The following CAST variants were observed in gnomAD, a reference collection of about 807,000 sequenced individuals.
CAST encodes the protein MIR583 host.
In CAST, 76 loss-of-function variants were observed where a neutral mutation model predicts 119.6. The observed-to-expected ratio is 0.64, with a 90% CI of 0.53 to 0.77. The LOEUF is 0.77. CAST is among the 30% of genes least tolerant of loss of function. The probability of loss-of-function intolerance (pLI) is 0.00; values close to 1 mark genes in which losing one functional copy is unlikely to be tolerated. For synonymous variants in CAST, 319 were observed against 331.6 expected, an observed-to-expected ratio of 0.96 and a Z score of 0.41; for missense variants, 953 against 946.5, an observed-to-expected ratio of 1.01 and a Z score of -0.09.
chr5:96,178,317 C>G, the CAST span, among the ~76,000 whole-genome samples: 149 of 152,280 alleles, frequency 9.8e-4, no homozygotes, highest in African/African-American at 3.5e-3. Flanking sequence ...CTTCTGAGGT[C>G]TTTAACTCTG....
intron 2 of CAST, among the ~76,000 whole-genome samples, chr5:96,678,576 G>A (rs1750972863): frequency 6.6e-6 from 1 of 152,124 alleles, no homozygotes; most frequent in African/African-American, 2.4e-5. Flanking sequence ...CGGGTGCGGT[G>A]GCTCATGCCT....
At chr5:96,606,063 T>A (rs1029586665) in intron 1 of CAST, among the ~76,000 whole-genome samples, 1 of 152,074 alleles carries the variant, frequency 6.6e-6, no homozygotes, top group Non-Finnish European at 1.5e-5. Flanking sequence ...GAGAGAGTTG[T>A]GGGGTAATAG....
chr5:96,423,933 G>T, the CAST span, among the ~76,000 whole-genome samples: 1 of 152,186 alleles, frequency 6.6e-6, no homozygotes, highest in East Asian at 1.9e-4. Flanking sequence ...GCAGAACCTG[G>T]AATGCTCAGG....
the CAST span, among the ~76,000 whole-genome samples, chr5:96,021,497 G>C: frequency 1.3e-5 from 2 of 151,756 alleles, no homozygotes; most frequent in African/African-American, 2.4e-5. Flanking sequence ...CCAGGCTGGA[G>C]TGCAGTGGCG....
At chr5:96,647,555 C>T (rs1016331431) in intron 1 of CAST, among the ~76,000 whole-genome samples, 13 of 152,044 alleles carry the variant, frequency 8.6e-5, no homozygotes, top group Admixed American at 3.9e-4. Context: ...TAACCCCATA[C>T]GACCTTATTT....
the CAST span, among the ~76,000 whole-genome samples, chr5:96,469,879 A>ATATATAATATATAT: frequency 1.9e-5 from 2 of 107,418 alleles, no homozygotes; most frequent in East Asian, 4.1e-4. Flanking sequence ...ATATATATAT[A>ATATATAATATATAT]ATATATATAT....
chr5:96,671,602 A>G (rs1013251569), intron 1 of CAST, among the ~76,000 whole-genome samples: 3 of 152,164 alleles, frequency 2.0e-5, no homozygotes, highest in African/African-American at 7.2e-5. Flanking sequence ...TAGAGCTGCT[A>G]TGGGTAGCAA....
chr5:96,242,534 C>T, the CAST span, among the ~76,000 whole-genome samples: 2 of 152,260 alleles, frequency 1.3e-5, no homozygotes, highest in Middle Eastern at 3.4e-3. Flanking sequence ...AGATCTTGTC[C>T]CTCCAATTAA....
the CAST span, among the ~76,000 whole-genome samples, chr5:95,992,499 T>C: frequency 6.6e-6 from 1 of 151,508 alleles, no homozygotes; most frequent in Non-Finnish European, 1.5e-5. Flanking sequence ...ACAAAATACG[T>C]GATCAATACT....
At chr5:96,584,941 C>T (rs1468304035) in intron 1 of CAST, 2 of 152,162 alleles carry the variant, frequency 1.3e-5, no homozygotes, top group African/African-American at 2.4e-5. Context: ...TCGAGTTTCC[C>T]GTCTCCCTCT....
At chr5:96,080,417 A>G in the CAST span, among the ~76,000 whole-genome samples, 2 of 152,360 alleles carry the variant, frequency 1.3e-5, no homozygotes, top group Non-Finnish European at 2.9e-5. Context: ...GATATAATTC[A>G]TGCTCATTTT....
chr5:96,015,960 T>A, the CAST span, among the ~76,000 whole-genome samples: 2 of 152,154 alleles, frequency 1.3e-5, no homozygotes, highest in Non-Finnish European at 2.9e-5. Context: ...GGTGTTACTG[T>A]GAGGGTATTT....
the CAST span, among the ~76,000 whole-genome samples, chr5:96,481,047 C>G: frequency 6.6e-6 from 1 of 151,978 alleles, no homozygotes; most frequent in African/African-American, 2.4e-5. Context: ...ACATTTCACA[C>G]TCTTCTCAGG....
chr5:96,722,793 T>C (rs1171262750), intron 4 of CAST, 95 bp downstream of exon 4: 1 of 870,360 alleles, frequency 1.1e-6, no homozygotes, highest in African/African-American at 1.7e-5. Context: ...GAGTTATATA[T>C]GCTAGGAAGT....
the CAST span, among the ~76,000 whole-genome samples, chr5:96,288,420 AT>A: frequency 6.6e-6 from 1 of 152,190 alleles, no homozygotes; most frequent in Non-Finnish European, 1.5e-5. Flanking sequence ...ACTTAAAAAA[AT>A]ATTTCCTGCA....
the CAST span, among the ~76,000 whole-genome samples, chr5:96,386,192 A>T: frequency 6.6e-6 from 1 of 152,306 alleles, no homozygotes; most frequent in South Asian, 2.1e-4. Flanking sequence ...TTTTGTTTGA[A>T]AATTGTTACT....
At chr5:96,269,161 A>G in the CAST span, among the ~76,000 whole-genome samples, 1 of 152,198 alleles carries the variant, frequency 6.6e-6, no homozygotes, top group Non-Finnish European at 1.5e-5. Context: ...TCTTTTTAGC[A>G]GTATGAAAAT....
chr5:95,963,277 GT>G, the CAST span, among the ~76,000 whole-genome samples: 1 of 152,238 alleles, frequency 6.6e-6, no homozygotes. Flanking sequence ...ATGATTCCAT[GT>G]CCTCCCCTCC....
chr5:96,148,866 CTGTG>C, the CAST span, among the ~76,000 whole-genome samples: 1 of 152,218 alleles, frequency 6.6e-6, no homozygotes, highest in East Asian at 1.9e-4. Context: ...GTGAGAAGAG[CTGTG>C]TGACCTTGGT....
Sources: allele counts gnomAD v4.1 joint callset (sites outside exome capture counted in the v4.1 genomes callset), GRCh38; gene constraint gnomAD v4.1.1; transcripts MANE v1.5; gene names NCBI Gene and HGNC (gene_info 2026-07-23, HGNC 2026-07-21).